Variants in BTBD8 observed in about 807,000 individuals in gnomAD.
BTBD8 encodes BTB/POZ domain-containing protein 8.
Under a neutral mutation model 162.9 loss-of-function variants are expected in BTBD8, and 110 were observed. That is an observed-to-expected ratio of 0.68 (90% CI 0.58 to 0.79). The LOEUF is 0.79. Among genes scored for constraint, BTBD8 ranks in the 30% least tolerant of loss-of-function variants. The pLI is 0.00. For missense variants in BTBD8, 1,905 were observed against 2,085.4 expected, an observed-to-expected ratio of 0.91 and a Z score of 1.68; for synonymous variants, 667 against 716.1, an observed-to-expected ratio of 0.93 and a Z score of 1.10.
At chr1:92,107,154 G>C (rs1054059537) in intron 3 of BTBD8, among the ~76,000 whole-genome samples, 5 of 151,930 alleles carry the variant, frequency 3.3e-5, no homozygotes, top group African/African-American at 1.2e-4. Flanking sequence ...TAGTAACCTA[G>C]AGACCCACAA....
chr1:92,083,589 G>A (rs944116932), intron 1 of BTBD8, among the ~76,000 whole-genome samples: 1 of 152,144 alleles, frequency 6.6e-6, no homozygotes, highest in African/African-American at 2.4e-5. Flanking sequence ...AGTAGGTAAG[G>A]GTGAATGGGT....
intron 5 of BTBD8, among the ~76,000 whole-genome samples, chr1:92,133,969 C>CAAA (rs11401420): frequency 7.1e-6 from 1 of 141,020 alleles, no homozygotes; most frequent in Admixed American, 7.0e-5. Context: ...GACTCTGTCT[C>CAAA]AAAAAAAAAA....
At chr1:92,122,739 A>G (rs1649250470) in intron 4 of BTBD8, among the ~76,000 whole-genome samples, 2 of 150,990 alleles carry the variant, frequency 1.3e-5, no homozygotes. Flanking sequence ...TAATTTTTGT[A>G]CTTGTAGTAG....
intron 2 of BTBD8, among the ~76,000 whole-genome samples, chr1:92,099,052 A>G (rs1648521990): frequency 6.6e-6 from 1 of 152,146 alleles, no homozygotes; most frequent in Non-Finnish European, 1.5e-5. Context: ...TCTTTGATCT[A>G]TTCTGGTGAA....
chr1:92,161,723 A>G (rs1473459164), intron 9 of BTBD8, among the ~76,000 whole-genome samples: 1 of 152,206 alleles, frequency 6.6e-6, no homozygotes, highest in Admixed American at 6.5e-5. Flanking sequence ...TAGTAAGAGT[A>G]TATGGGATAA....
intron 17 of BTBD8, 44 bp from the exon 18 acceptor site, chr1:92,183,820 C>G: frequency 7.5e-7 from 1 of 1,338,326 alleles, no homozygotes; most frequent in Non-Finnish European, 1.0e-6. Flanking sequence ...CTGAGGGTAC[C>G]AACGTGCAAT....
chr1:92,147,148 G>C (rs1649943696), intron 7 of BTBD8, 32 bp from the exon 8 acceptor site: 1 of 1,496,430 alleles, frequency 6.7e-7, no homozygotes, highest in Admixed American at 2.0e-5. Flanking sequence ...AAATTGAAAA[G>C]GAATAAATAT....
intron 12 of BTBD8, 142 bp downstream of exon 12, chr1:92,169,137 G>A (rs1297789709): frequency 1.4e-6 from 1 of 721,164 alleles, no homozygotes; most frequent in East Asian, 2.9e-5. Context: ...GTGCTCATAT[G>A]TTTAGGCAGT....
chr1:92,145,980 C>CAA (rs1171599849), intron 7 of BTBD8, among the ~76,000 whole-genome samples: 1 of 134,290 alleles, frequency 7.4e-6, no homozygotes, highest in Non-Finnish European at 1.6e-5. Flanking sequence ...GAATCTGTCT[C>CAA]AAAAAAAAAA....
rs943448821 is a variant in BTBD8 at position 92,082,776 on chromosome 1, GTTGT to G, written c.149+2060_149+2063del. ...GCCAGCTCCAATGTAGAACTGGAAA[GTTGT>G]TTGGGATATGGTAACAGTCATACAA... On this transcript the variant is annotated intron_variant, in intron 1 of 17. Transcript: ENST00000636805. 3.0e-3 allele frequency among the ~76,000 whole-genome samples: 456 copies of G among 152,212 alleles called. 3 individuals carry two copies. Among genetic ancestry groups the G allele is most frequent in the African/African-American group, 0.011 (443 of 41,518 alleles).
rs560809186 is a variant in BTBD8, at chr1:92,080,556, C to T, written c.-16C>T. 12 of 1,613,066 alleles carry T rather than the reference C, an allele frequency of 7.4e-6. No individual in the cohort carries two copies. The highest frequency in any genetic ancestry group is 1.0e-5 in the Non-Finnish European group (12 of 1,179,626). ...GCCAAGTACTGGGCCTCCAGGGCGT[C>T]GTACCTCTGTGAGACATGGCTCGCT... On this transcript the variant is annotated 5_prime_UTR_variant, in exon 1 of 18. Coordinates refer to ENST00000636805, the MANE Select transcript of BTBD8 (RefSeq NM_001376131.1).
intron 4 of BTBD8, among the ~76,000 whole-genome samples, chr1:92,124,541 A>G (rs79955944): frequency 0.012 from 1,769 of 152,316 alleles, 43 homozygotes; most frequent in African/African-American, 0.04. Context: ...TGATTGTGCT[A>G]CTGCACTCCA....
At chr1:92,138,761 A>T (rs1649693733) in intron 5 of BTBD8, among the ~76,000 whole-genome samples, 2 of 152,188 alleles carry the variant, frequency 1.3e-5, no homozygotes, top group African/African-American at 4.8e-5. Context: ...AAAGAGGACT[A>T]AGTTTGGTGT....
At chr1:92,135,624 T>C (rs550452467) in intron 5 of BTBD8, among the ~76,000 whole-genome samples, 2 of 152,320 alleles carry the variant, frequency 1.3e-5, no homozygotes, top group East Asian at 1.9e-4. Context: ...TCATGTCTTA[T>C]AAACACTTTT....
intron 13 of BTBD8, among the ~76,000 whole-genome samples, chr1:92,173,172 G>A (rs1017952362): frequency 4.6e-5 from 7 of 152,144 alleles, no homozygotes; most frequent in Admixed American, 2.6e-4. Flanking sequence ...TGATCTGCCC[G>A]CCTCGGCCTC....
chr1:92,101,033 G>C (rs1648578350), intron 2 of BTBD8, among the ~76,000 whole-genome samples: 1 of 152,160 alleles, frequency 6.6e-6, no homozygotes, highest in African/African-American at 2.4e-5. Flanking sequence ...CACCGGAGCA[G>C]TATACAGTGT....
Position 92,184,408 on chromosome 1 carries a change from A to T in BTBD8, c.*78A>T. On this transcript the variant is annotated 3_prime_UTR_variant, in exon 18 of 18. Coordinates refer to ENST00000636805, the MANE Select transcript of BTBD8 (RefSeq NM_001376131.1). Reference sequence around the variant, plus strand: ...ATTATATCCAAATGATAATTGCATTAGCCGGATATAAACTTTCTTTAATAT... The same window carrying T: ...ATTATATCCAAATGATAATTGCATTTGCCGGATATAAACTTTCTTTAATAT... 1 of 875,492 alleles carries T rather than the reference A, an allele frequency of 1.1e-6. No homozygotes were observed. Among genetic ancestry groups the T allele is most frequent in the Non-Finnish European group, 1.7e-6 (1 of 582,850 alleles). The allele number at this position is 875,492 out of a possible 1,614,324, so 54.2% of individuals were successfully genotyped here. A position where few individuals can be genotyped will look rare whatever the true frequency, so the allele number is the denominator to read the frequency against.
chr1:92,080,506 C>T lies in BTBD8; in HGVS notation c.-66C>T. The T allele has an allele frequency of 6.3e-7, 1 of 1,582,834 alleles. No individual in the cohort carries two copies. The highest frequency in any genetic ancestry group is 8.5e-7 in the Non-Finnish European group (1 of 1,169,992). On this transcript the variant is annotated 5_prime_UTR_variant, in exon 1 of 18. Coordinates refer to ENST00000636805, the MANE Select transcript of BTBD8 (RefSeq NM_001376131.1). ...AGCGTTCGGTCGGAAACGCCCCCTT[C>T]TTCCTCCTGGGCGGGGCAAGTGAGG...
intron 4 of BTBD8, among the ~76,000 whole-genome samples, chr1:92,123,632 A>G (rs533803275): frequency 2.1e-3 from 324 of 152,050 alleles, no homozygotes; most frequent in African/African-American, 7.5e-3. Context: ...CTAGTTGTTC[A>G]TTATTACACT....
Sources: allele counts gnomAD v4.1 joint callset (sites outside exome capture counted in the v4.1 genomes callset), GRCh38; gene constraint gnomAD v4.1.1; transcripts MANE v1.5; gene names NCBI Gene and HGNC (gene_info 2026-07-23, HGNC 2026-07-21).